Variants in NEK1 observed in about 807,000 individuals in gnomAD.
NEK1 encodes serine/threonine-protein kinase Nek1.
NEK1 carries 137 observed loss-of-function variants against 182.1 expected under a neutral mutation model. The ratio of observed to expected loss-of-function variants is 0.75; its 90% CI spans 0.65 to 0.87. NEK1 has a LOEUF of 0.87. Among genes scored for constraint, NEK1 ranks in the 40% least tolerant of loss-of-function variants. The probability of loss-of-function intolerance (pLI) is 0.00; values close to 1 mark genes in which losing one functional copy is unlikely to be tolerated. For missense variants in NEK1, 1,391 were observed against 1,494.4 expected (o/e 0.93, Z 1.14); for synonymous variants, 513 against 492.2 (o/e 1.04, Z -0.56).
chr4:169,602,706 CAT>C, intron 2 of NEK1, 28 bp from the exon 3 acceptor site: 1 of 780,946 alleles, frequency 1.3e-6, no homozygotes, highest in East Asian at 2.5e-5. Context: ...GCATTTATAA[CAT>C]GAGATAAAAC....
chr4:169,405,064 G>A (rs1579326378), intron 32 of NEK1, among the ~76,000 whole-genome samples: 1 of 152,190 alleles, frequency 6.6e-6, no homozygotes, highest in Non-Finnish European at 1.5e-5. Context: ...GGTAGATGTG[G>A]AGCTTTCTGG....
At chr4:169,580,267 C>T (rs1163515856) in intron 11 of NEK1, among the ~76,000 whole-genome samples, 3 of 152,092 alleles carry the variant, frequency 2.0e-5, no homozygotes, top group East Asian at 1.9e-4. Context: ...GAGGCCGAGG[C>T]GGGTGGATCA....
intron 23 of NEK1, among the ~76,000 whole-genome samples, chr4:169,505,451 G>C (rs1170988882): frequency 6.6e-6 from 1 of 151,976 alleles, no homozygotes; most frequent in African/African-American, 2.4e-5. Flanking sequence ...TTTTCCTTTA[G>C]CTTTGTTGTA....
intron 28 of NEK1, among the ~76,000 whole-genome samples, chr4:169,437,090 C>T (rs191028271): frequency 6.6e-6 from 1 of 152,362 alleles, no homozygotes; most frequent in East Asian, 1.9e-4. Context: ...GCTGACAATG[C>T]TATTCCTGGT....
At chr4:169,473,836 C>G (rs1401032720) in intron 26 of NEK1, among the ~76,000 whole-genome samples, 1 of 152,016 alleles carries the variant, frequency 6.6e-6, no homozygotes, top group Non-Finnish European at 1.5e-5. Context: ...TGGGTATGGA[C>G]AATAATCCAG....
intron 5 of NEK1, among the ~76,000 whole-genome samples, chr4:169,593,144 CAA>C (rs70964212): frequency 5.0e-4 from 66 of 131,096 alleles, no homozygotes; most frequent in African/African-American, 1.0e-3. Context: ...CAGGAACTAG[CAA>C]AAAAAAAAAA....
chr4:169,565,155 G>C (rs1763481670), intron 12 of NEK1, among the ~76,000 whole-genome samples: 1 of 152,098 alleles, frequency 6.6e-6, no homozygotes. Flanking sequence ...GAGTTGATGA[G>C]ATAAAAACAA....
At position 169,446,310 on chromosome 4, in the gene NEK1, C is replaced by A. The variant is rs184132559; in HGVS notation, c.2588-8051G>T. On this transcript the variant is annotated intron_variant, in intron 27 of 35. Coordinates refer to ENST00000507142, the MANE Select transcript of NEK1 (RefSeq NM_001199397.3). ...GAGACTAAGAGAAAAAGAGTGAAGA[C>A]CCAAATAAAGAAAATAAAAAACAAA... is the stretch of plus-strand genomic sequence containing the variant. Among the ~76,000 whole-genome samples, 11 of 151,454 alleles carry A rather than the reference C, an allele frequency of 7.3e-5. No individual in the cohort carries two copies. In the East Asian group the frequency reaches 1.2e-3, roughly 16 times the overall value.
At chr4:169,480,660 T>C (rs1038757090) in intron 23 of NEK1, among the ~76,000 whole-genome samples, 5 of 152,144 alleles carry the variant, frequency 3.3e-5, no homozygotes, top group African/African-American at 1.2e-4. Context: ...TGACAATTTC[T>C]TAAAATAAGA....
chr4:169,480,121 T>C (rs983180771), intron 23 of NEK1, among the ~76,000 whole-genome samples: 4 of 152,196 alleles, frequency 2.6e-5, no homozygotes, highest in East Asian at 1.9e-4. Flanking sequence ...ATGACATTTA[T>C]GGGTATGACA....
intron 3 of NEK1, 40 bp from the exon 4 acceptor site, chr4:169,602,144 T>A: frequency 7.1e-7 from 1 of 1,414,236 alleles, no homozygotes; most frequent in Non-Finnish European, 1.0e-6. Flanking sequence ...ATGAAACCAT[T>A]AATAAACAAC....
chr4:169,446,040 A>G (rs1278381194), intron 27 of NEK1, among the ~76,000 whole-genome samples: 1 of 151,950 alleles, frequency 6.6e-6, no homozygotes, highest in African/African-American at 2.4e-5. Context: ...GATCTCATGG[A>G]AGTAGAGAGC....
chr4:169,481,688 T>C (rs1020399574), intron 23 of NEK1, among the ~76,000 whole-genome samples: 4 of 152,224 alleles, frequency 2.6e-5, no homozygotes, highest in African/African-American at 7.2e-5. Flanking sequence ...CCAGGCTTTA[T>C]TGTTCCATTT....
chr4:169,403,517 C>G (rs1329375876), intron 32 of NEK1, among the ~76,000 whole-genome samples: 2 of 152,142 alleles, frequency 1.3e-5, no homozygotes, highest in Non-Finnish European at 2.9e-5. Flanking sequence ...CTGCTGTGAA[C>G]TATGATTGCA....
chr4:169,445,305 G>C (rs1453594493), intron 27 of NEK1, among the ~76,000 whole-genome samples: 1 of 152,050 alleles, frequency 6.6e-6, no homozygotes, highest in Non-Finnish European at 1.5e-5. Flanking sequence ...GCTGCCTGTA[G>C]TACTAGTTCC....
chr4:169,417,869 C>G (rs553010692), intron 31 of NEK1, among the ~76,000 whole-genome samples: 1 of 152,196 alleles, frequency 6.6e-6, no homozygotes. Flanking sequence ...GAGAAAATAT[C>G]TGGACTTTGG....
rs1491451611 is a variant in NEK1, at chr4:169,587,903, ACT to A, written c.552-292_552-291del. On this transcript the variant is annotated intron_variant, in intron 8 of 35. Coordinates refer to ENST00000507142, the MANE Select transcript of NEK1 (RefSeq NM_001199397.3). ...TCTATTTTTATTTCATAAAACTCAA[ACT>A]TTTTTCAATTATTTGTAAAATACCA... Among the ~76,000 whole-genome samples the A allele has an allele frequency of 2.6e-5, 4 of 152,086 alleles. No individual in the cohort carries two copies. In the East Asian group the frequency reaches 7.7e-4, roughly 29 times the overall value.
chr4:169,549,249 C>T (rs185149945), intron 18 of NEK1, among the ~76,000 whole-genome samples: 3 of 152,304 alleles, frequency 2.0e-5, no homozygotes, highest in South Asian at 4.1e-4. Context: ...GGTGAGGTGA[C>T]ACCCCACCCT....
At chr4:169,406,785 G>A (rs773095646) in intron 31 of NEK1, 38 bp from the exon 32 acceptor site, 2 of 1,499,596 alleles carry the variant, frequency 1.3e-6, no homozygotes, top group Middle Eastern at 1.7e-4. Context: ...TTAGGAGAAA[G>A]ATAATTAAAA....
Sources: allele counts gnomAD v4.1 joint callset (sites outside exome capture counted in the v4.1 genomes callset), GRCh38; gene constraint gnomAD v4.1.1; transcripts MANE v1.5; gene names NCBI Gene and HGNC (gene_info 2026-07-23, HGNC 2026-07-21).